The following SCFD2 variants were observed in gnomAD, a reference collection of about 807,000 sequenced individuals.
SCFD2 encodes the protein sec1 family domain-containing protein 2.
In SCFD2, 54 loss-of-function variants were observed where a neutral mutation model predicts 58.9. The ratio of observed to expected loss-of-function variants is 0.92; its 90% CI spans 0.74 to 1.15. SCFD2 has a LOEUF of 1.15. SCFD2 is among the 50% of genes most tolerant of loss of function. The pLI is 0.00. For synonymous variants in SCFD2, 321 were observed against 335.9 expected, an observed-to-expected ratio of 0.96 and a Z score of 0.49; for missense variants, 805 against 836.6, an observed-to-expected ratio of 0.96 and a Z score of 0.47.
At chr4:53,078,478 AGT>A (rs1724046885) in intron 5 of SCFD2, among the ~76,000 whole-genome samples, 1 of 152,244 alleles carries the variant, frequency 6.6e-6, no homozygotes, top group African/African-American at 2.4e-5. Flanking sequence ...TAATTTAAAA[AGT>A]GTGCAATGTG....
chr4:52,917,111 T>C (rs1480554244), intron 6 of SCFD2, among the ~76,000 whole-genome samples: 1 of 152,144 alleles, frequency 6.6e-6, no homozygotes, highest in Non-Finnish European at 1.5e-5. Context: ...CTTGCTGTGT[T>C]TCCCAGGCTG....
intron 3 of SCFD2, among the ~76,000 whole-genome samples, chr4:53,279,590 G>A (rs1731443446): frequency 6.6e-6 from 1 of 152,186 alleles, no homozygotes; most frequent in African/African-American, 2.4e-5. Context: ...TTAATATTAT[G>A]TCAATATAGT....
chr4:52,968,501 T>C (rs1023180000), intron 5 of SCFD2, among the ~76,000 whole-genome samples: 1 of 152,202 alleles, frequency 6.6e-6, no homozygotes, highest in Non-Finnish European at 1.5e-5. Flanking sequence ...GGTGTGTGTG[T>C]GCATGCATGT....
chr4:53,161,323 C>T (rs1350937533), intron 4 of SCFD2, among the ~76,000 whole-genome samples: 1 of 152,130 alleles, frequency 6.6e-6, no homozygotes, highest in Non-Finnish European at 1.5e-5. Context: ...ATTAAACCAG[C>T]CATATTTCCT....
At chr4:53,235,512 T>C (rs1729571914) in intron 4 of SCFD2, among the ~76,000 whole-genome samples, 1 of 152,188 alleles carries the variant, frequency 6.6e-6, no homozygotes, top group African/African-American at 2.4e-5. Context: ...CTCTCACTTA[T>C]CTTATATTCT....
intron 5 of SCFD2, among the ~76,000 whole-genome samples, chr4:53,001,958 C>T (rs934494494): frequency 3.3e-5 from 5 of 152,174 alleles, no homozygotes; most frequent in South Asian, 2.1e-4. Context: ...AAGGTGTCCA[C>T]GTACAAAGCC....
In SCFD2 at chr4:53,313,664, T is replaced by C. The variant is rs1240391502; in HGVS notation, c.1107A>G (p.Arg369=). ...TACTCATCTTGATTGGCAGGTTTTC[T>C]CTGCTTGCCGCTTCCACTAGATGTC... The part of the protein sequence containing the change: ...VRRHLVEAAS[R]ENLPIKMSMG... Residue 369 remains arginine (R), a synonymous_variant, in exon 3 of 9, where the codon AGA becomes AGG. Transcript: ENST00000401642. The C allele has an allele frequency of 6.2e-7, 1 of 1,613,924 alleles. No individual in the cohort carries two copies. The highest frequency in any genetic ancestry group is 1.3e-5 in the African/African-American group (1 of 74,926).
intron 4 of SCFD2, among the ~76,000 whole-genome samples, chr4:53,191,561 C>T (rs559349269): frequency 2.2e-4 from 34 of 152,046 alleles, no homozygotes; most frequent in African/African-American, 7.2e-4. Flanking sequence ...TGCATGCCAC[C>T]GTGCCCAGCT....
intron 5 of SCFD2, among the ~76,000 whole-genome samples, chr4:53,095,066 G>T (rs1260786368): frequency 1.3e-5 from 2 of 151,866 alleles, no homozygotes; most frequent in East Asian, 1.9e-4. Flanking sequence ...TCCATTTCTG[G>T]TTTCTTTCTT....
chr4:52,969,800 G>A (rs1721051369), intron 5 of SCFD2, among the ~76,000 whole-genome samples: 1 of 152,086 alleles, frequency 6.6e-6, no homozygotes, highest in South Asian at 2.1e-4. Context: ...TGAGATTTGG[G>A]GATTATGTTA....
intron 2 of SCFD2, among the ~76,000 whole-genome samples, chr4:53,341,085 A>G (rs914678903): frequency 3.1e-4 from 47 of 152,358 alleles, no homozygotes; most frequent in African/African-American, 1.1e-3. Flanking sequence ...GCTCCTCGTC[A>G]GCAACGGAAC....
chr4:52,921,446 C>T (rs1719733181), intron 5 of SCFD2, among the ~76,000 whole-genome samples: 1 of 151,970 alleles, frequency 6.6e-6, no homozygotes, highest in South Asian at 2.1e-4. Context: ...CTCAGAAGAA[C>T]GTATTCTCTG....
chr4:52,908,335 T>C (rs555502558), intron 6 of SCFD2, among the ~76,000 whole-genome samples: 1 of 152,342 alleles, frequency 6.6e-6, no homozygotes, highest in African/African-American at 2.4e-5. Flanking sequence ...TGAGCTGTTT[T>C]TCACCACCTC....
intron 4 of SCFD2, among the ~76,000 whole-genome samples, chr4:53,170,446 T>C (rs573944026): frequency 2.0e-4 from 31 of 152,342 alleles, no homozygotes; most frequent in Admixed American, 1.2e-3. Flanking sequence ...ATTTGTAAAA[T>C]AGTTTGAAAG....
At chr4:53,276,887 T>C (rs1232056537) in intron 3 of SCFD2, among the ~76,000 whole-genome samples, 1 of 152,244 alleles carries the variant, frequency 6.6e-6, no homozygotes. Flanking sequence ...CAGTATCTCA[T>C]TGTGGTTTAA....
At chr4:53,149,257 T>C (rs1726433553) in intron 4 of SCFD2, among the ~76,000 whole-genome samples, 1 of 152,060 alleles carries the variant, frequency 6.6e-6, no homozygotes, top group African/African-American at 2.4e-5. Flanking sequence ...AAAGGAAAAT[T>C]CAAGATGAGT....
At position 53,246,243 on chromosome 4, in the gene SCFD2, C is replaced by T. The variant is rs1730066988; in HGVS notation, c.1311+27583G>A. 2.6e-5 allele frequency among the ~76,000 whole-genome samples: 4 copies of T among 152,164 alleles called. No individual in the cohort carries two copies. The South Asian group carries it at 8.3e-4, about 32-fold the overall frequency. On this transcript the variant is annotated intron_variant, in intron 4 of 8. Coordinates refer to ENST00000401642, the MANE Select transcript of SCFD2 (RefSeq NM_152540.4). Reference sequence around the variant, plus strand: ...TTTCATGCTCATGGATAGGAAGAATCAGCATTGTCAAAATGGGTATACTGC... The same window carrying T: ...TTTCATGCTCATGGATAGGAAGAATTAGCATTGTCAAAATGGGTATACTGC...
In SCFD2 at chr4:52,885,055, C is replaced by T. The variant is rs74482567; in HGVS notation, c.1962+692G>A. Among the ~76,000 whole-genome samples the T allele has an allele frequency of 4.0e-3, 612 of 152,212 alleles. 5 individuals are homozygous for T. The highest frequency in any genetic ancestry group is 0.014 in the African/African-American group (572 of 41,526). ...GGAACTTGGGCCCATAAAATAGAAA[C>T]GTCTATGTTCTTCACCACTGGGCCA... is the stretch of plus-strand genomic sequence containing the variant. On this transcript the variant is annotated intron_variant, in intron 8 of 8. Coordinates refer to ENST00000401642, the MANE Select transcript of SCFD2 (RefSeq NM_152540.4).
intron 4 of SCFD2, among the ~76,000 whole-genome samples, chr4:53,267,470 G>A (rs913583183): frequency 1.3e-5 from 2 of 152,202 alleles, no homozygotes; most frequent in Admixed American, 1.3e-4. Flanking sequence ...AACTTGTAAG[G>A]ACCCAGAAGT....
Sources: allele counts gnomAD v4.1 joint callset (sites outside exome capture counted in the v4.1 genomes callset), GRCh38; gene constraint gnomAD v4.1.1; transcripts MANE v1.5; gene names NCBI Gene and HGNC (gene_info 2026-07-23, HGNC 2026-07-21).